Variants in PCBD2 observed in about 807,000 individuals in gnomAD.
PCBD2 encodes pterin-4-alpha-carbinolamine dehydratase 2.
Under a neutral mutation model 16.4 loss-of-function variants are expected in PCBD2, and 12 were observed. That is an observed-to-expected ratio of 0.73 (90% CI 0.47 to 1.19). The LOEUF (loss-of-function observed/expected upper bound fraction) is 1.19, where lower values mean the gene tolerates loss of function less well. Among genes scored for constraint, PCBD2 ranks in the 50% most tolerant of loss-of-function variants. The probability of loss-of-function intolerance (pLI) is 0.00; values close to 1 mark genes in which losing one functional copy is unlikely to be tolerated. For synonymous variants in PCBD2, 58 were observed against 61.8 expected (o/e 0.94, Z 0.29); for missense variants, 138 against 156.8 (o/e 0.88, Z 0.64).
At chr5:134,915,395 A>T (rs1750820139) in intron 2 of PCBD2, among the ~76,000 whole-genome samples, 1 of 150,868 alleles carries the variant, frequency 6.6e-6, no homozygotes, top group African/African-American at 2.4e-5. Flanking sequence ...GTATGCAAAT[A>T]GGATGTATGG....
intron 2 of PCBD2, among the ~76,000 whole-genome samples, chr5:134,920,785 A>T (rs1321773448): frequency 1.3e-5 from 2 of 151,960 alleles, no homozygotes; most frequent in African/African-American, 4.8e-5. Context: ...CCTCTCAAGT[A>T]GCTGGGATTA....
intron 1 of PCBD2, 127 bp downstream of exon 1, chr5:134,905,350 C>T (rs1290345516): frequency 1.2e-6 from 1 of 841,978 alleles, no homozygotes; most frequent in East Asian, 3.7e-5. Flanking sequence ...GGAGCTCGGG[C>T]GTCGGGTCAC....
In PCBD2 at chr5:134,960,569, G is replaced by A. The variant is rs772844435; in HGVS notation, c.298-17G>A. 3.2e-6 allele frequency: 5 copies of A among 1,552,838 alleles called. No individual in the cohort carries two copies. Among genetic ancestry groups the A allele is most frequent in the Non-Finnish European group, 3.5e-6 (4 of 1,135,330 alleles). Reference sequence around the variant, plus strand: ...TTTGCTGCTCAGAGTTTTAAAAACTGCTTTTCTTTTTCTTAGGTCCAGATA... The same window carrying A: ...TTTGCTGCTCAGAGTTTTAAAAACTACTTTTCTTTTTCTTAGGTCCAGATA... On this transcript the variant is annotated splice_polypyrimidine_tract_variant and intron_variant, in intron 3 of 3. Transcript: ENST00000254908.
In PCBD2 at chr5:134,918,277, G is replaced by T. The variant is rs1371763162; in HGVS notation, c.216+7811G>T. Among the ~76,000 whole-genome samples the T allele has an allele frequency of 5.3e-5, 8 of 152,290 alleles. No individual in the cohort carries two copies. The East Asian group carries it at 1.5e-3, about 29-fold the overall frequency. On this transcript the variant is annotated intron_variant, in intron 2 of 3. Coordinates refer to ENST00000254908, the MANE Select transcript of PCBD2 (RefSeq NM_032151.5). ...CCCAGCACTTTGGGAGGCCGAAGCAGGCGGGTCACCAGAGGTCAGGAGTTC... is the reference window on the plus strand; with the variant it reads ...CCCAGCACTTTGGGAGGCCGAAGCATGCGGGTCACCAGAGGTCAGGAGTTC...
intron 1 of PCBD2, among the ~76,000 whole-genome samples, chr5:134,907,865 A>C (rs1455577210): frequency 2.2e-5 from 3 of 139,106 alleles, no homozygotes; most frequent in Non-Finnish European, 3.1e-5. Context: ...CTCGTGATCC[A>C]CCCACCTCGG....
Position 134,962,636 on chromosome 5 carries a change from C to T in PCBD2, c.*1955C>T, listed in dbSNP as rs1283988824. The stretch of plus-strand genomic sequence containing the variant: ...ATAATTAATTAGATTAAACAAGTCA[C>T]AAAAATTGGATGAGCTATCTTGGTG... On this transcript the variant is annotated 3_prime_UTR_variant, in exon 4 of 4. Transcript: ENST00000254908. Among the ~76,000 whole-genome samples the T allele has an allele frequency of 3.3e-5, 5 of 152,184 alleles. No individual in the cohort carries two copies. The highest frequency in any genetic ancestry group is 5.9e-5 in the Non-Finnish European group (4 of 68,028).
At chr5:134,938,352 A>C (rs2149536846) in intron 2 of PCBD2, among the ~76,000 whole-genome samples, 1 of 152,292 alleles carries the variant, frequency 6.6e-6, no homozygotes, top group East Asian at 1.9e-4. Flanking sequence ...TCATTTTCTC[A>C]CTAAGGAACA....
intron 2 of PCBD2, among the ~76,000 whole-genome samples, chr5:134,916,697 A>G (rs1365108884): frequency 1.3e-5 from 2 of 152,262 alleles, no homozygotes; most frequent in Non-Finnish European, 2.9e-5. Context: ...TGGATAGCTC[A>G]GATGGATACA....
At chr5:134,934,222 A>T (rs1751131695) in intron 2 of PCBD2, among the ~76,000 whole-genome samples, 1 of 152,082 alleles carries the variant, frequency 6.6e-6, no homozygotes, top group African/African-American at 2.4e-5. Flanking sequence ...TCTCTGGGTG[A>T]TATTGCTGGT....
intron 2 of PCBD2, among the ~76,000 whole-genome samples, chr5:134,933,850 A>G (rs1353531103): frequency 1.3e-5 from 2 of 152,230 alleles, no homozygotes; most frequent in Non-Finnish European, 2.9e-5. Flanking sequence ...CTAAAAAATC[A>G]AGCCCTTCAA....
chr5:134,923,751 C>T (rs112727109), intron 2 of PCBD2: 15 of 391,588 alleles, frequency 3.8e-5, no homozygotes, highest in East Asian at 2.2e-4. Context: ...ATATAGGCCT[C>T]GGCCGATGTG....
At position 134,959,116 on chromosome 5, in the gene PCBD2, A is replaced by G; in HGVS notation, c.293A>G (p.Asn98Ser). The G allele has an allele frequency of 4.3e-6, 7 of 1,609,942 alleles. No individual in the cohort carries two copies. The highest frequency in any genetic ancestry group is 1.1e-5 in the South Asian group (1 of 90,456). ...CACCCAGAATGGTTCAATGTATACA[A>G]CAAGGTAACTAAACTGCCTTATTTG... ...NHHPEWFNVYNKVQITLTSHD... is the reference protein window; with the variant it reads ...NHHPEWFNVYSKVQITLTSHD... The change falls in exon 3 of 4, where the codon AAC becomes AGC. Residue 98 changes from asparagine (N) to serine (S), a missense_variant. Transcript: ENST00000254908.
intron 1 of PCBD2, 145 bp downstream of exon 1, chr5:134,905,368 C>A (rs1750672169): frequency 1.6e-6 from 1 of 627,866 alleles, no homozygotes; most frequent in Non-Finnish European, 2.3e-6. Context: ...CACCGCGTCC[C>A]GGGACTGACC....
At chr5:134,933,118 G>A (rs1751118354) in intron 2 of PCBD2, among the ~76,000 whole-genome samples, 1 of 152,200 alleles carries the variant, frequency 6.6e-6, no homozygotes, top group African/African-American at 2.4e-5. Context: ...GTGCATTTGT[G>A]TGAATGTTTA....
At chr5:134,925,820 G>C (rs1750985317) in intron 2 of PCBD2, 2 of 395,232 alleles carry the variant, frequency 5.1e-6, no homozygotes, top group Admixed American at 4.4e-5. Context: ...AGGAAGCCTA[G>C]TAGTGGGGTG....
At chr5:134,923,056 T>C (rs1750926047) in intron 2 of PCBD2, among the ~76,000 whole-genome samples, 1 of 152,198 alleles carries the variant, frequency 6.6e-6, no homozygotes, top group African/African-American at 2.4e-5. Context: ...ACTTTACATG[T>C]ATTCATTCAT....
At chr5:134,925,204 G>A in intron 2 of PCBD2, 2 of 398,518 alleles carry the variant, frequency 5.0e-6, no homozygotes, top group Non-Finnish European at 4.4e-6. Flanking sequence ...ATAGGCGCTT[G>A]TCAGGGAGGT....
Position 134,962,532 on chromosome 5 carries a change from C to T in PCBD2, c.*1851C>T, listed in dbSNP as rs1402932953. Among the ~76,000 whole-genome samples, 8 of 151,996 alleles carry T rather than the reference C, an allele frequency of 5.3e-5. No homozygotes were observed. Among genetic ancestry groups the T allele is most frequent in the Non-Finnish European group, 1.0e-4 (7 of 67,998 alleles). On this transcript the variant is annotated 3_prime_UTR_variant, in exon 4 of 4. Transcript: ENST00000254908. ...CCCCCCAAAGTGCTGGGATTACAGG[C>T]GTGAGCCACTGCGCCTGGCCTATAA...
rs117244046 is a variant in PCBD2, at chr5:134,955,630, C to A, written c.217-3410C>A. The stretch of plus-strand genomic sequence containing the variant: ...GCCAACAATGATCTTTATGTTAGAT[C>A]TCCTTTGTTTGTCCTTACATTTATT... On this transcript the variant is annotated intron_variant, in intron 2 of 3. Transcript: ENST00000254908. Among the ~76,000 whole-genome samples the A allele has an allele frequency of 3.3e-5, 5 of 152,228 alleles. No homozygotes were observed. The East Asian group carries it at 9.6e-4, about 29-fold the overall frequency.
Sources: allele counts gnomAD v4.1 joint callset (sites outside exome capture counted in the v4.1 genomes callset), GRCh38; gene constraint gnomAD v4.1.1; transcripts MANE v1.5; gene names NCBI Gene and HGNC (gene_info 2026-07-23, HGNC 2026-07-21).